TAOK3: variants seen among roughly 807,000 people sequenced by gnomAD.
TAOK3 encodes TAO kinase 3.
TAOK3 carries 40 observed loss-of-function variants against 120.4 expected under a neutral mutation model. That is an observed-to-expected ratio of 0.33 (90% CI 0.26 to 0.43). The LOEUF (loss-of-function observed/expected upper bound fraction) is 0.43. Among genes scored for constraint, TAOK3 ranks in the 20% least tolerant of loss-of-function variants. The pLI is 1.00. For missense variants in TAOK3, 821 were observed against 1,112.1 expected (o/e 0.74, Z 3.72); for synonymous variants, 355 against 387.5 (o/e 0.92, Z 0.99).
intron 1 of TAOK3, among the ~76,000 whole-genome samples, chr12:118,346,544 A>T (rs1234310729): frequency 1.3e-5 from 2 of 152,252 alleles, no homozygotes; most frequent in Non-Finnish European, 2.9e-5. Flanking sequence ...ACTGAAGGTT[A>T]TAAACTAATT....
chr12:118,230,806 G>A (rs551486173), intron 9 of TAOK3, among the ~76,000 whole-genome samples: 11 of 152,164 alleles, frequency 7.2e-5, no homozygotes, highest in East Asian at 1.9e-4. Context: ...TGGGAAGTTC[G>A]TTATAAGCCC....
intron 15 of TAOK3, among the ~76,000 whole-genome samples, chr12:118,178,382 C>G (rs1432023193): frequency 1.3e-5 from 2 of 152,168 alleles, no homozygotes; most frequent in Non-Finnish European, 2.9e-5. Flanking sequence ...GAATCAAACT[C>G]TAACTGATTA....
At chr12:118,220,889 A>G (rs931971687) in intron 9 of TAOK3, among the ~76,000 whole-genome samples, 1 of 152,200 alleles carries the variant, frequency 6.6e-6, no homozygotes, top group Non-Finnish European at 1.5e-5. Context: ...GCTTCAAGTG[A>G]TCTCATCTAT....
At chr12:118,166,679 TAC>T (rs2035604217) in intron 17 of TAOK3, among the ~76,000 whole-genome samples, 1 of 152,018 alleles carries the variant, frequency 6.6e-6, no homozygotes. Context: ...TGACACAATA[TAC>T]ACACTAGAGC....
At chr12:118,214,439 T>C (rs1156987065) in intron 9 of TAOK3, among the ~76,000 whole-genome samples, 1 of 152,182 alleles carries the variant, frequency 6.6e-6, no homozygotes, top group Non-Finnish European at 1.5e-5. Flanking sequence ...GCATGTGCGT[T>C]TTAGCTCAAA....
At chr12:118,232,607 T>G (rs2039832051) in intron 9 of TAOK3, among the ~76,000 whole-genome samples, 1 of 152,150 alleles carries the variant, frequency 6.6e-6, no homozygotes, top group African/African-American at 2.4e-5. Flanking sequence ...ACTCCTTCAA[T>G]TAAATTAATA....
At position 118,172,550 on chromosome 12, in the gene TAOK3, A is replaced by G. The variant is rs1427685167; in HGVS notation, c.1806T>C (p.Thr602=). Residue 602 remains threonine, a synonymous_variant, in exon 17 of 21, where the codon ACT becomes ACC. Transcript: ENST00000392533. ...TTTTGTCGTAGTACAGTCTCTGTTG[A>G]GTGAGAAGGTGGGCTTCCTCTTCAG... ...TQAEEEAHLL[T]QQRLYYDKNC... 2 of 1,613,980 alleles carry G rather than the reference A, an allele frequency of 1.2e-6. No individual in the cohort carries two copies. The highest frequency in any genetic ancestry group is 4.5e-5 in the East Asian group (2 of 44,888).
chr12:118,164,816 C>T (rs543878582), intron 17 of TAOK3, among the ~76,000 whole-genome samples: 10 of 152,158 alleles, frequency 6.6e-5, no homozygotes, highest in African/African-American at 9.7e-5. Flanking sequence ...TAGATATCAT[C>T]GATAACATTT....
At chr12:118,342,726 G>C (rs912479985) in intron 1 of TAOK3, among the ~76,000 whole-genome samples, 38 of 152,208 alleles carry the variant, frequency 2.5e-4, no homozygotes, top group African/African-American at 8.9e-4. Flanking sequence ...TTGAGCTCAG[G>C]AGTTCGAGAC....
chr12:118,173,346 C>A (rs1405116882), intron 16 of TAOK3, among the ~76,000 whole-genome samples: 1 of 152,126 alleles, frequency 6.6e-6, no homozygotes, highest in Non-Finnish European at 1.5e-5. Flanking sequence ...TATAAGGACA[C>A]TGATCTTTAG....
intron 1 of TAOK3, among the ~76,000 whole-genome samples, chr12:118,307,425 C>T (rs2043092659): frequency 1.3e-5 from 2 of 152,184 alleles, no homozygotes; most frequent in Admixed American, 1.3e-4. Context: ...CCCCTCCCAC[C>T]CTCACATCTT....
intron 1 of TAOK3, among the ~76,000 whole-genome samples, chr12:118,341,742 T>C (rs1473360224): frequency 6.6e-6 from 1 of 152,192 alleles, no homozygotes; most frequent in Non-Finnish European, 1.5e-5. Flanking sequence ...CTGTGTTGGC[T>C]AGGTGTGGTG....
intron 9 of TAOK3, among the ~76,000 whole-genome samples, chr12:118,229,642 TAAC>T (rs1323340819): frequency 1.3e-5 from 2 of 152,008 alleles, no homozygotes; most frequent in Non-Finnish European, 2.9e-5. Flanking sequence ...GTAATAATAA[TAAC>T]ACTAGGCCGG....
intron 3 of TAOK3, 64 bp downstream of exon 3, chr12:118,255,384 T>G (rs2040936960): frequency 6.4e-7 from 1 of 1,574,244 alleles, no homozygotes; most frequent in Non-Finnish European, 8.7e-7. Context: ...TGAGTCACTG[T>G]GCCAGGCCTA....
At chr12:118,289,429 C>A (rs2042391489) in intron 1 of TAOK3, among the ~76,000 whole-genome samples, 1 of 150,432 alleles carries the variant, frequency 6.6e-6, no homozygotes, top group South Asian at 2.1e-4. Context: ...AAAAATTATT[C>A]TTTGAAATAG....
At chr12:118,295,022 G>A (rs573848502) in intron 1 of TAOK3, among the ~76,000 whole-genome samples, 3 of 151,908 alleles carry the variant, frequency 2.0e-5, no homozygotes, top group East Asian at 1.9e-4. Flanking sequence ...GAAGTGAGGT[G>A]TAGACTGGAA....
At chr12:118,208,865 C>T (rs778953468) in intron 11 of TAOK3, among the ~76,000 whole-genome samples, 1 of 152,106 alleles carries the variant, frequency 6.6e-6, no homozygotes, top group Non-Finnish European at 1.5e-5. Flanking sequence ...ACGCATGCCA[C>T]CATGCCCAGC....
rs187972162 is a variant in TAOK3, at chr12:118,315,980, T to C, written c.-193-49221A>G. Among the ~76,000 whole-genome samples the C allele has an allele frequency of 9.2e-3, 1,401 of 152,278 alleles. 9 individuals carry two copies. The highest frequency in any genetic ancestry group is 0.013 in the Non-Finnish European group (901 of 68,020). On this transcript the variant is annotated intron_variant, in intron 1 of 20. Coordinates refer to ENST00000392533, the MANE Select transcript of TAOK3 (RefSeq NM_016281.4). ...AGACAGCTTGGTTGCTGCTGGGATA[T>C]TTTTACAATGGAAAAAGGAGTAGGG... is the stretch of plus-strand genomic sequence containing the variant.
chr12:118,356,969 C>A (rs926701483), intron 1 of TAOK3, among the ~76,000 whole-genome samples: 2 of 152,130 alleles, frequency 1.3e-5, no homozygotes, highest in African/African-American at 4.8e-5. Context: ...TTAAGACTAA[C>A]TAGGTTGGTT....
Sources: gnomAD v4.1 joint callset for allele counts (sites outside exome capture counted in the v4.1 genomes callset) on GRCh38, gnomAD v4.1.1 for gene constraint, MANE v1.5 for transcripts, NCBI Gene and HGNC (gene_info 2026-07-23, HGNC 2026-07-21) for gene names.